TRPV1: variants seen among roughly 807,000 people sequenced by gnomAD.
The protein encoded by TRPV1 is transient receptor potential cation channel subfamily V member 1.
Under a neutral mutation model 82.3 loss-of-function variants are expected in TRPV1, and 82 were observed. The observed-to-expected ratio is 1.00, with a 90% CI of 0.83 to 1.20. The LOEUF (loss-of-function observed/expected upper bound fraction) is 1.20. TRPV1 is among the 50% of genes most tolerant of loss of function. TRPV1 has a pLI of 0.00. For missense variants in TRPV1, 1,067 were observed against 1,096.8 expected, an observed-to-expected ratio of 0.97 and a Z score of 0.38; for synonymous variants, 515 against 467.7, an observed-to-expected ratio of 1.10 and a Z score of -1.30.
chr17:3,587,838 G>A (rs1457812671), intron 8 of TRPV1, among the ~76,000 whole-genome samples: 5 of 140,208 alleles, frequency 3.6e-5, no homozygotes, highest in East Asian at 3.9e-4. Context: ...AAATCTACAC[G>A]CCCTGCCATC....
At chr17:3,591,544 C>T (rs945092179) in intron 3 of TRPV1, among the ~76,000 whole-genome samples, 191 bp from the exon 4 acceptor site, 3 of 152,230 alleles carry the variant, frequency 2.0e-5, no homozygotes, top group African/African-American at 7.2e-5. Flanking sequence ...GGGCATGTGT[C>T]CCCATTCTGT....
intron 9 of TRPV1, 146 bp from the exon 10 acceptor site, chr17:3,583,576 GA>G: frequency 1.4e-6 from 1 of 705,674 alleles, no homozygotes; most frequent in South Asian, 2.0e-5. Context: ...GTTATTAGGG[GA>G]GCGCCCGCAA....
intron 5 of TRPV1, 108 bp downstream of exon 5, chr17:3,590,856 G>C: frequency 1.4e-6 from 2 of 1,418,250 alleles, no homozygotes; most frequent in Admixed American, 5.2e-5. Flanking sequence ...CAGTGGCTGG[G>C]ACAGGGAGTA....
intron 16 of TRPV1, among the ~76,000 whole-genome samples, chr17:3,567,389 A>AAAG (rs1567654851): frequency 4.7e-5 from 7 of 149,400 alleles, no homozygotes; most frequent in Non-Finnish European, 4.4e-5. Flanking sequence ...AAAAAAAAAA[A>AAAG]AAGAAGAAGA....
chr17:3,573,184 A>G (rs1175859694), intron 14 of TRPV1, among the ~76,000 whole-genome samples: 6 of 152,132 alleles, frequency 3.9e-5, no homozygotes, highest in Non-Finnish European at 7.4e-5. Flanking sequence ...TGTAGCTGTC[A>G]GGGCCCTGCC....
intron 2 of TRPV1, chr17:3,592,660 G>C (rs180860445): frequency 6.8e-4 from 290 of 423,890 alleles, no homozygotes; most frequent in Admixed American, 1.7e-3. Context: ...GCCATCTGTG[G>C]TTCTGGGTTA....
intron 10 of TRPV1, among the ~76,000 whole-genome samples, chr17:3,580,868 A>T (rs1317829905): frequency 6.6e-6 from 1 of 151,938 alleles, no homozygotes; most frequent in Non-Finnish European, 1.5e-5. Flanking sequence ...AATACAAAAC[A>T]ATTAGCTGCG....
At chr17:3,593,103 T>A (rs1323319121) in intron 2 of TRPV1, among the ~76,000 whole-genome samples, 1 of 100,002 alleles carries the variant, frequency 1.0e-5, no homozygotes, top group Admixed American at 1.0e-4. Context: ...TGTGTGTGTG[T>A]GTGTGTGTGT....
At position 3,599,494 on chromosome 17, in the gene TRPV1, C is replaced by G. The variant is rs77309237; in HGVS notation, c.-33-7111G>C. Among the ~76,000 whole-genome samples, 140 of 124,048 alleles carry G rather than the reference C, an allele frequency of 1.1e-3. 5 individuals are homozygous for G. In the East Asian group the frequency reaches 0.022, roughly 20 times the overall value. The allele number at this position is 124,048 out of a possible 152,430, so 81.4% of individuals were successfully genotyped here. A position where few individuals can be genotyped will look rare whatever the true frequency, so the allele number is the denominator to read the frequency against. On this transcript the variant is annotated intron_variant, in intron 2 of 16. Coordinates refer to ENST00000572705, the MANE Select transcript of TRPV1 (RefSeq NM_080704.4). ...CAACTTCCTGTCTTTATGAATTTAA[C>G]TATTCTAGGAGTCCTCTGGTCAGGA...
chr17:3,596,679 G>A (rs1316404437), intron 2 of TRPV1, among the ~76,000 whole-genome samples: 1 of 152,174 alleles, frequency 6.6e-6, no homozygotes, highest in African/African-American at 2.4e-5. Context: ...CACCTCCCAG[G>A]TGCTTCCAAG....
chr17:3,581,918 C>T (rs1331540108), intron 10 of TRPV1, among the ~76,000 whole-genome samples: 6 of 143,272 alleles, frequency 4.2e-5, no homozygotes, highest in South Asian at 2.3e-4. Context: ...GGGCCAGGCA[C>T]AGTGGCTCAC....
chr17:3,566,845 G>A lies in TRPV1; in HGVS notation c.2490C>T (p.Phe830=), dbSNP rs750715586. ...TCTCCCCGGAAGCGGCAGGACTCTTGAAGACCTCAGCGTCCTCTGGCTTCA... is the reference window on the plus strand; with the variant it reads ...TCTCCCCGGAAGCGGCAGGACTCTTAAAGACCTCAGCGTCCTCTGGCTTCA... ...GSLKPEDAEV[F]KSPAASGEK Residue 830 remains phenylalanine, a synonymous_variant, in exon 17 of 17, where the codon TTC becomes TTT. Transcript: ENST00000572705. The A allele has an allele frequency of 1.1e-5, 18 of 1,613,958 alleles. No individual in the cohort carries two copies. Among genetic ancestry groups the A allele is most frequent in the African/African-American group, 1.3e-5 (1 of 75,048 alleles).
intron 2 of TRPV1, among the ~76,000 whole-genome samples, chr17:3,604,808 C>T (rs2075286830): frequency 6.6e-6 from 1 of 152,010 alleles, no homozygotes; most frequent in African/African-American, 2.4e-5. Context: ...GGCTGTTTTA[C>T]AGCCTCCTGT....
Position 3,592,308 on chromosome 17 carries a change from G to A in TRPV1, c.43C>T (p.Pro15Ser), listed in dbSNP as rs2075169964. 13 of 1,599,786 alleles carry A rather than the reference G, an allele frequency of 8.1e-6. No homozygotes were observed. Among genetic ancestry groups the A allele is most frequent in the South Asian group, 1.1e-5 (1 of 89,124 alleles). ...TCTGGGCAGGTGTCCTTTTGGAGTG[G>A]GTCCGCAGCTGCCCCCAAGTCTGTG... The part of the protein sequence containing the change: ...SSTDLGAAAD[P>S]LQKDTCPDPL... The change falls in exon 3 of 17, where the codon CCA (proline) becomes TCA (serine). Residue 15 changes from proline (P) to serine (S), a missense_variant. Pro to Ser is a moderately conservative substitution (Grantham distance 74). Coordinates refer to ENST00000572705, the MANE Select transcript of TRPV1 (RefSeq NM_080704.4).
In TRPV1 at chr17:3,582,415, A is replaced by AAAAAAC. The variant is rs1179606336; in HGVS notation, c.1476+917_1476+922dup. 8.4e-4 allele frequency among the ~76,000 whole-genome samples: 127 copies of AAAAAAC among 152,086 alleles called. 1 individual carries two copies. Among genetic ancestry groups the AAAAAAC allele is most frequent in the African/African-American group, 2.9e-3 (121 of 41,538 alleles). The stretch of plus-strand genomic sequence containing the variant: ...ATACTACAAGGGTTTCCAGAGTCAA[A>AAAAAAC]AAAAACAAAAACAAAAACCAATGAT... On this transcript the variant is annotated intron_variant, in intron 10 of 16. Coordinates refer to ENST00000572705, the MANE Select transcript of TRPV1 (RefSeq NM_080704.4).
At position 3,590,359 on chromosome 17, in the gene TRPV1, C is replaced by T. The variant is rs759486588; in HGVS notation, c.638G>A (p.Arg213His). Residue 213 changes from arginine (R) to histidine (H), a missense_variant, in exon 6 of 17, where the codon CGC becomes CAC. Coordinates refer to ENST00000572705, the MANE Select transcript of TRPV1 (RefSeq NM_080704.4). ...CAGGAGGGTCACCAGGGCCATGTTG[C>T]GTCTCTCGATGGCGATGTGCAGTGC... ...QTALHIAIER[R>H]NMALVTLLVE... The T allele has an allele frequency of 2.0e-5, 32 of 1,613,866 alleles. No homozygotes were observed. The highest frequency in any genetic ancestry group is 1.1e-4 in the South Asian group (10 of 91,082).
chr17:3,600,230 G>T (rs775551869), intron 2 of TRPV1, among the ~76,000 whole-genome samples: 1 of 152,180 alleles, frequency 6.6e-6, no homozygotes, highest in African/African-American at 2.4e-5. Flanking sequence ...CTGGGAAAGG[G>T]GATGGTCATG....
intron 16 of TRPV1, among the ~76,000 whole-genome samples, chr17:3,567,433 G>A (rs1346489110): frequency 6.6e-6 from 1 of 151,152 alleles, no homozygotes; most frequent in Non-Finnish European, 1.5e-5. Context: ...CGAGGCCCAG[G>A]CATGCGAGTG....
At chr17:3,602,386 C>T (rs751383908) in intron 2 of TRPV1, 6 of 152,248 alleles carry the variant, frequency 3.9e-5, no homozygotes, top group Non-Finnish European at 5.9e-5. Flanking sequence ...AGCACCTTCA[C>T]GGAGTGATTC....
Sources: allele counts gnomAD v4.1 joint callset (sites outside exome capture counted in the v4.1 genomes callset), GRCh38; gene constraint gnomAD v4.1.1; transcripts MANE v1.5; gene names NCBI Gene and HGNC (gene_info 2026-07-23, HGNC 2026-07-21).